ST18: variants seen among roughly 807,000 people sequenced by gnomAD.
The protein encoded by ST18 is ST18 C2H2C-type zinc finger transcription factor.
Under a neutral mutation model 110.0 loss-of-function variants are expected in ST18, and 50 were observed. The ratio of observed to expected loss-of-function variants is 0.45; its 90% CI spans 0.36 to 0.58. The LOEUF (loss-of-function observed/expected upper bound fraction) is 0.58, where lower values mean the gene tolerates loss of function less well. Among genes scored for constraint, ST18 ranks in the 20% least tolerant of loss-of-function variants. The pLI, the probability that ST18 is intolerant of heterozygous loss-of-function variation, is 0.00. For synonymous variants in ST18, 461 were observed against 452.4 expected, an observed-to-expected ratio of 1.02 and a Z score of -0.24; for missense variants, 1,306 against 1,280.1, an observed-to-expected ratio of 1.02 and a Z score of -0.31.
At chr8:52,215,632 T>G (rs144834717) in intron 6 of ST18, among the ~76,000 whole-genome samples, 1 of 152,390 alleles carries the variant, frequency 6.6e-6, no homozygotes, top group East Asian at 1.9e-4. Context: ...GCAGTTGCTA[T>G]AGTCTAAATA....
At chr8:52,393,338 G>A (rs1839939693) in intron 2 of ST18, among the ~76,000 whole-genome samples, 2 of 152,174 alleles carry the variant, frequency 1.3e-5, no homozygotes, top group African/African-American at 2.4e-5. Flanking sequence ...ACAGGCGAGA[G>A]AAATGTAGAG....
intron 2 of ST18, among the ~76,000 whole-genome samples, chr8:52,266,999 GGCAGGT>G (rs1294639874): frequency 2.6e-5 from 4 of 152,108 alleles, no homozygotes; most frequent in Non-Finnish European, 5.9e-5. Flanking sequence ...TACAATTGAG[GGCAGGT>G]GCAGCAAAGG....
chr8:52,255,119 G>T (rs1294255492), intron 2 of ST18, among the ~76,000 whole-genome samples: 1 of 152,080 alleles, frequency 6.6e-6, no homozygotes, highest in Admixed American at 6.6e-5. Flanking sequence ...CACACTTCTG[G>T]GTGGAGCTTA....
At chr8:52,237,694 G>A (rs2092869418) in intron 2 of ST18, among the ~76,000 whole-genome samples, 1 of 152,230 alleles carries the variant, frequency 6.6e-6, no homozygotes, top group Non-Finnish European at 1.5e-5. Flanking sequence ...ATGCAATGCA[G>A]TTGAAAGCAG....
At chr8:52,125,388 TAC>T (rs370049822) in intron 23 of ST18, among the ~76,000 whole-genome samples, 2,291 of 129,956 alleles carry the variant, frequency 0.018, 55 homozygotes, top group African/African-American at 0.081. Flanking sequence ...AACGCGCACG[TAC>T]ACACACACAC....
chr8:52,318,929 T>G (rs1466352832), intron 2 of ST18, among the ~76,000 whole-genome samples: 1 of 145,524 alleles, frequency 6.9e-6, no homozygotes, highest in African/African-American at 2.5e-5. Flanking sequence ...CTGTTGGAGG[T>G]TGGGGGGTGG....
chr8:52,184,449 C>T (rs947109632), intron 8 of ST18, among the ~76,000 whole-genome samples: 3 of 152,140 alleles, frequency 2.0e-5, no homozygotes, highest in African/African-American at 7.2e-5. Context: ...GAGAAATATA[C>T]CTTTTACTTA....
chr8:52,250,052 C>G (rs1319835778), intron 2 of ST18, among the ~76,000 whole-genome samples: 2 of 151,932 alleles, frequency 1.3e-5, no homozygotes, highest in Admixed American at 6.6e-5. Context: ...AGGTAAAAAC[C>G]CTTTTAACTC....
intron 3 of ST18, among the ~76,000 whole-genome samples, chr8:52,225,678 A>G (rs1357809733): frequency 6.6e-6 from 1 of 152,232 alleles, no homozygotes; most frequent in African/African-American, 2.4e-5. Flanking sequence ...CCGTGTTTCT[A>G]TCCAGGAATA....
In ST18 at chr8:52,311,845, G is replaced by T. The variant is rs149913194; in HGVS notation, c.-464-81768C>A. 6.0e-3 allele frequency among the ~76,000 whole-genome samples: 915 copies of T among 152,294 alleles called. 7 individuals are homozygous for T. Among genetic ancestry groups the T allele is most frequent in the African/African-American group, 0.021 (867 of 41,572 alleles). On this transcript the variant is annotated intron_variant, in intron 2 of 25. Transcript: ENST00000689386. ...GTGGGGATTAGGGGACTTTGGGGAT[G>T]ACAGTTCAACATGAGATTTGGGTGG...
At chr8:52,144,483 C>G (rs555075971) in intron 16 of ST18, among the ~76,000 whole-genome samples, 92 of 152,114 alleles carry the variant, frequency 6.0e-4, no homozygotes, top group Middle Eastern at 3.4e-3. Context: ...GTCATCAAGG[C>G]AAATGTAATT....
chr8:52,393,223 A>T (rs533299099), intron 2 of ST18, among the ~76,000 whole-genome samples: 3 of 152,274 alleles, frequency 2.0e-5, no homozygotes, highest in Admixed American at 6.5e-5. Context: ...AATTTAATCA[A>T]CTCAAAATAG....
At position 52,409,710 on chromosome 8, in the gene ST18, G is replaced by C. The variant is rs1250010088; in HGVS notation, c.-752C>G. ...TAGTATTCCCCTGAGGTCACATTCA[G>C]TTAAAAACATCCTGCCCTTCTCCCT... On this transcript the variant is annotated 5_prime_UTR_variant, in exon 1 of 26. Transcript: ENST00000689386. 2 of 152,260 alleles carry C rather than the reference G, an allele frequency of 1.3e-5. No individual in the cohort carries two copies. 9.4% of individuals were successfully genotyped at this position (152,260 alleles called of 1,614,324 possible).
In ST18 at chr8:52,267,421, A is replaced by G. The variant is rs1314316783; in HGVS notation, c.-464-37344T>C. ...ATGTTGGAAATTTGCAGGAGAAGAT[A>G]TAAGTTGAAAGTAGCAATGGGGAGC... On this transcript the variant is annotated intron_variant, in intron 2 of 25. Coordinates refer to ENST00000689386, the MANE Select transcript of ST18 (RefSeq NM_001352837.2). Among the ~76,000 whole-genome samples the G allele has an allele frequency of 4.0e-5, 6 of 150,570 alleles. No individual in the cohort carries two copies. In the South Asian group the frequency reaches 1.1e-3, roughly 27 times the overall value.
intron 2 of ST18, among the ~76,000 whole-genome samples, chr8:52,325,219 A>G (rs1006861644): frequency 6.6e-6 from 1 of 152,134 alleles, no homozygotes; most frequent in Admixed American, 6.5e-5. Flanking sequence ...GAGAGGGGGG[A>G]AAAGAAAAAC....
At chr8:52,131,422 A>C (rs560713706) in intron 22 of ST18, among the ~76,000 whole-genome samples, 1 of 152,186 alleles carries the variant, frequency 6.6e-6, no homozygotes, top group Non-Finnish European at 1.5e-5. Context: ...GTCACTGGGA[A>C]GCTATAAAAG....
intron 8 of ST18, among the ~76,000 whole-genome samples, chr8:52,182,377 C>T (rs1195550887): frequency 1.3e-5 from 2 of 152,046 alleles, no homozygotes; most frequent in Non-Finnish European, 2.9e-5. Flanking sequence ...TCCCCAATAG[C>T]CAAGATGTGG....
chr8:52,166,809 T>C (rs200936321), intron 11 of ST18, 43 bp downstream of exon 11: 36 of 1,472,854 alleles, frequency 2.4e-5, no homozygotes, highest in South Asian at 4.4e-5. Context: ...CTTGATGATC[T>C]GGCGTGCATA....
intron 2 of ST18, among the ~76,000 whole-genome samples, chr8:52,310,284 T>C (rs551223090): frequency 6.6e-6 from 1 of 152,196 alleles, no homozygotes; most frequent in East Asian, 1.9e-4. Flanking sequence ...CTCTGTGTAG[T>C]GTCTGTTTCT....
Sources: allele counts gnomAD v4.1 joint callset (sites outside exome capture counted in the v4.1 genomes callset), GRCh38; gene constraint gnomAD v4.1.1; transcripts MANE v1.5; gene names NCBI Gene and HGNC (gene_info 2026-07-23, HGNC 2026-07-21).